The following CSMD1 variants were observed in gnomAD, a reference collection of about 807,000 sequenced individuals.
CSMD1 encodes CUB and Sushi multiple domains 1, also known as CUB and sushi domain-containing protein 1.
A neutral mutation model predicts 417.5 loss-of-function variants in CSMD1; 213 were observed. That is an observed-to-expected ratio of 0.51 (90% CI 0.46 to 0.57). The LOEUF is 0.57. Among genes scored for constraint, CSMD1 ranks in the 20% least tolerant of loss-of-function variants. CSMD1 has a pLI of 0.00. For missense variants in CSMD1, 6,923 were observed against 4,529.7 expected (o/e 1.53, Z -15.17); for synonymous variants, 2,862 against 1,736.8 (o/e 1.65, Z -16.11).
chr8:3,866,734 C>A (rs956917624), intron 5 of CSMD1, among the ~76,000 whole-genome samples: 2 of 152,176 alleles, frequency 1.3e-5, no homozygotes, highest in South Asian at 2.1e-4. Context: ...TACAAAGCCA[C>A]AGGGATTCTC....
At chr8:3,277,893 A>G (rs1802424986) in intron 26 of CSMD1, among the ~76,000 whole-genome samples, 1 of 152,248 alleles carries the variant, frequency 6.6e-6, no homozygotes, top group African/African-American at 2.4e-5. Context: ...TCTTCCCTAC[A>G]AAAGTGACAA....
chr8:3,560,231 T>A (rs1799411300), intron 10 of CSMD1, among the ~76,000 whole-genome samples: 1 of 152,116 alleles, frequency 6.6e-6, no homozygotes, highest in Non-Finnish European at 1.5e-5. Flanking sequence ...GAAATTATAT[T>A]AATAGAAGGA....
At chr8:4,893,245 TTAATA>T (rs1189959498) in intron 1 of CSMD1, among the ~76,000 whole-genome samples, 11 of 152,164 alleles carry the variant, frequency 7.2e-5, no homozygotes, top group Non-Finnish European at 1.6e-4. Flanking sequence ...AATTGCCTAC[TTAATA>T]TTTTTCCAAT....
At chr8:3,544,948 T>C (rs1236269276) in intron 10 of CSMD1, among the ~76,000 whole-genome samples, 2 of 152,054 alleles carry the variant, frequency 1.3e-5, no homozygotes, top group African/African-American at 2.4e-5. Flanking sequence ...ATCTTAGATC[T>C]CTTCTTTCTC....
At chr8:4,275,806 A>C (rs1323272013) in intron 3 of CSMD1, among the ~76,000 whole-genome samples, 6 of 152,202 alleles carry the variant, frequency 3.9e-5, no homozygotes, top group Non-Finnish European at 8.8e-5. Context: ...TGGCATGACT[A>C]ATGATCTATA....
At chr8:3,485,026 CA>C (rs1268178132) in intron 11 of CSMD1, among the ~76,000 whole-genome samples, 1 of 152,162 alleles carries the variant, frequency 6.6e-6, no homozygotes, top group Non-Finnish European at 1.5e-5. Context: ...ACTAAACATA[CA>C]ACCAACATAC....
At chr8:3,826,726 T>A (rs182893032) in intron 5 of CSMD1, among the ~76,000 whole-genome samples, 1 of 152,174 alleles carries the variant, frequency 6.6e-6, no homozygotes, top group Admixed American at 6.6e-5. Flanking sequence ...AAGAAAGAGT[T>A]TGTACTGAAT....
chr8:3,294,491 G>A lies in CSMD1; in HGVS notation c.3951-10145C>T, dbSNP rs191548087. The stretch of plus-strand genomic sequence containing the variant: ...TCCACCCAGTTCAAGCTTCTGGGCC[G>A]TTTTTTTAGTCATTCAAGCCTTGGC... On this transcript the variant is annotated intron_variant, in intron 25 of 69. Coordinates refer to ENST00000635120, the MANE Select transcript of CSMD1 (RefSeq NM_033225.6). 1.7e-3 allele frequency among the ~76,000 whole-genome samples: 266 copies of A among 152,230 alleles called. 1 individual carries two copies. The highest frequency in any genetic ancestry group is 5.0e-3 in the African/African-American group (206 of 41,558).
chr8:4,264,086 A>G (rs1294548235), intron 3 of CSMD1, among the ~76,000 whole-genome samples: 4 of 152,198 alleles, frequency 2.6e-5, no homozygotes, highest in Middle Eastern at 3.2e-3. Flanking sequence ...TGAGGATGAT[A>G]ACATCAAACT....
At chr8:4,764,883 A>AAC (rs1563326803) in intron 1 of CSMD1, among the ~76,000 whole-genome samples, 6 of 51,430 alleles carry the variant, frequency 1.2e-4, no homozygotes, top group Admixed American at 2.6e-4. Context: ...AAAAAAAAAA[A>AAC]AAAAAAAAAA....
intron 7 of CSMD1, among the ~76,000 whole-genome samples, chr8:3,656,130 T>A (rs182581778): frequency 2.0e-5 from 3 of 152,174 alleles, no homozygotes; most frequent in Non-Finnish European, 2.9e-5. Flanking sequence ...AGTGAACTCA[T>A]TGGGGCGAAA....
At chr8:3,749,324 C>T (rs896021704) in intron 6 of CSMD1, among the ~76,000 whole-genome samples, 2 of 152,010 alleles carry the variant, frequency 1.3e-5, no homozygotes, top group African/African-American at 4.8e-5. Context: ...GGGTTTTTCC[C>T]CTGCGTTTTC....
chr8:4,773,045 T>A (rs980890187), intron 1 of CSMD1, among the ~76,000 whole-genome samples: 3 of 152,188 alleles, frequency 2.0e-5, no homozygotes, highest in Admixed American at 6.5e-5. Context: ...ATATCTCTTA[T>A]CTGAAATGTT....
chr8:3,919,242 G>A (rs1469152709), intron 5 of CSMD1, among the ~76,000 whole-genome samples: 1 of 147,670 alleles, frequency 6.8e-6, no homozygotes, highest in East Asian at 2.0e-4. Context: ...CTATGCCAAG[G>A]ATTTTTAAAA....
intron 12 of CSMD1, among the ~76,000 whole-genome samples, chr8:3,426,638 G>A (rs1010767955): frequency 6.6e-6 from 1 of 152,128 alleles, no homozygotes; most frequent in African/African-American, 2.4e-5. Flanking sequence ...AAGGTGAGAT[G>A]CCATAATTAA....
intron 1 of CSMD1, among the ~76,000 whole-genome samples, chr8:4,833,503 G>C (rs1023519454): frequency 3.3e-5 from 5 of 152,108 alleles, no homozygotes; most frequent in Non-Finnish European, 5.9e-5. Flanking sequence ...ATTTGGGTGG[G>C]GACACAGAGC....
chr8:4,130,909 G>C (rs1048158590), intron 3 of CSMD1, among the ~76,000 whole-genome samples: 2 of 151,760 alleles, frequency 1.3e-5, no homozygotes, highest in African/African-American at 2.4e-5. Context: ...GCATTGGATG[G>C]ACGGATTAAT....
At chr8:3,340,026 G>C (rs1807543471) in intron 23 of CSMD1, among the ~76,000 whole-genome samples, 1 of 152,104 alleles carries the variant, frequency 6.6e-6, no homozygotes, top group African/African-American at 2.4e-5. Context: ...TTCCGATTTG[G>C]CCCAAAGATA....
intron 2 of CSMD1, among the ~76,000 whole-genome samples, chr8:4,636,992 G>A (rs577979279): frequency 6.6e-6 from 1 of 152,190 alleles, no homozygotes; most frequent in East Asian, 1.9e-4. Flanking sequence ...CCAATCACAC[G>A]GAGGACTGAA....
Sources: allele counts gnomAD v4.1 joint callset (sites outside exome capture counted in the v4.1 genomes callset), GRCh38; gene constraint gnomAD v4.1.1; transcripts MANE v1.5; gene names NCBI Gene and HGNC (gene_info 2026-07-23, HGNC 2026-07-21).